The following BTNL9 variants were observed in gnomAD, a reference collection of about 807,000 sequenced individuals.
The protein encoded by BTNL9 is butyrophilin like 9.
BTNL9 carries 45 observed loss-of-function variants against 45.8 expected under a neutral mutation model. The ratio of observed to expected loss-of-function variants is 0.98; its 90% CI spans 0.77 to 1.26. The LOEUF is 1.26. BTNL9 is among the 50% of genes most tolerant of loss of function. The probability of loss-of-function intolerance (pLI) is 0.00; values close to 1 mark genes in which losing one functional copy is unlikely to be tolerated. For missense variants in BTNL9, 784 were observed against 729.7 expected, an observed-to-expected ratio of 1.07 and a Z score of -0.86; for synonymous variants, 346 against 330.8, an observed-to-expected ratio of 1.05 and a Z score of -0.50.
chr5:181,054,141 G>T, intron 6 of BTNL9, 98 bp from the exon 7 acceptor site: 1 of 1,579,624 alleles, frequency 6.3e-7, no homozygotes, highest in South Asian at 1.1e-5. Flanking sequence ...CGCATCGGAG[G>T]TGAGGCCTCA....
chr5:181,048,760 G>GATATAGAT (rs1396536286), intron 3 of BTNL9, among the ~76,000 whole-genome samples: 1 of 68,256 alleles, frequency 1.5e-5, no homozygotes, highest in Non-Finnish European at 3.3e-5. Flanking sequence ...TATAGATATA[G>GATATAGAT]ATATATATAG....
At chr5:181,057,003 T>A (rs75595509) in intron 9 of BTNL9, 4,677 of 174,732 alleles carry the variant, frequency 0.027, 261 homozygotes, top group African/African-American at 0.13. Flanking sequence ...AGGAATATTA[T>A]ATATCTGTGT....
At position 181,053,338 on chromosome 5, in the gene BTNL9, C is replaced by G; in HGVS notation, c.853+22C>G. The G allele has an allele frequency of 6.6e-7, 1 of 1,522,470 alleles. No individual in the cohort carries two copies. Among genetic ancestry groups the G allele is most frequent in the South Asian group, 1.2e-5 (1 of 80,982 alleles). The allele number at this position is 1,522,470 out of a possible 1,614,324, so 94.3% of individuals were successfully genotyped here. A position where few individuals can be genotyped will look rare whatever the true frequency, so the allele number is the denominator to read the frequency against. Reference sequence around the variant, plus strand: ...CGAGGTACCGGCGCGGGCGGCGGGGCGGGGAGGGGCACCGGCCGGTGCTGA... The same window carrying G: ...CGAGGTACCGGCGCGGGCGGCGGGGGGGGGAGGGGCACCGGCCGGTGCTGA... On this transcript the variant is annotated intron_variant, in intron 5 of 10. Transcript: ENST00000327705. The surrounding 1 kb of genome is among the most constrained non-coding windows in gnomAD (Gnocchi z 6.5).
rs1358183990 is a variant in BTNL9 at position 181,045,620 on chromosome 5, T to C, written c.109+22T>C. The C allele has an allele frequency of 9.5e-6, 15 of 1,585,408 alleles. No individual in the cohort carries two copies. The African/African-American group carries it at 1.5e-4, about 16-fold the overall frequency. On this transcript the variant is annotated intron_variant, in intron 2 of 10. Coordinates refer to ENST00000327705, the MANE Select transcript of BTNL9 (RefSeq NM_152547.5). ...TCAGGTATTGTGTCTGCAGCCTAGC[T>C]GGCCAGGATGTGAACGCCACCCCTC...
chr5:181,048,086 A>T lies in BTNL9; in HGVS notation c.269A>T (p.Gln90Leu), dbSNP rs748010483. The change falls in exon 3 of 11, where the codon CAG becomes CTG. Residue 90 changes from glutamine to leucine, a missense_variant. By Grantham distance (113) the Gln-to-Leu change is moderately radical. Coordinates refer to ENST00000327705, the MANE Select transcript of BTNL9 (RefSeq NM_152547.5). Reference sequence around the variant, plus strand: ...GTGGTACACCTGTACCAGGAGCAGCAGGAGCTCCCTGGCAGGCAGATGCCG... The same window carrying T: ...GTGGTACACCTGTACCAGGAGCAGCTGGAGCTCCCTGGCAGGCAGATGCCG... ...FNVVHLYQEQ[Q>L]ELPGRQMPAF... The T allele has an allele frequency of 1.2e-6, 2 of 1,613,700 alleles. No individual in the cohort carries two copies. Among genetic ancestry groups the T allele is most frequent in the Non-Finnish European group, 1.7e-6 (2 of 1,180,018 alleles).
chr5:181,049,628 T>A (rs114234699), intron 3 of BTNL9, among the ~76,000 whole-genome samples: 2,020 of 152,334 alleles, frequency 0.013, 49 homozygotes, highest in African/African-American at 0.046. Flanking sequence ...TTGGCATTTA[T>A]GCCACATTAA....
chr5:181,043,833 G>C (rs572886047), intron 1 of BTNL9, among the ~76,000 whole-genome samples: 52 of 152,364 alleles, frequency 3.4e-4, no homozygotes, highest in African/African-American at 1.2e-3. Context: ...ACCTGTCGCA[G>C]AGAGGCTTCC....
At chr5:181,052,924 G>T (rs1478640856) in intron 4 of BTNL9, 2 of 151,872 alleles carry the variant, frequency 1.3e-5, no homozygotes, top group Non-Finnish European at 2.9e-5. Context: ...GGAAGACGCG[G>T]GGCGAGGGCG....
At chr5:181,049,994 T>C in intron 3 of BTNL9, 94 bp from the exon 4 acceptor site, 1 of 1,459,878 alleles carries the variant, frequency 6.8e-7, no homozygotes, top group East Asian at 2.3e-5. Flanking sequence ...TCATGATGCT[T>C]TATGGTGACT....
In BTNL9 at chr5:181,053,915, A is replaced by C. The variant is rs1371988791; in HGVS notation, c.887-324A>C. 6.6e-7 allele frequency: 1 copy of C among 1,511,434 alleles called. No homozygotes were observed. Among genetic ancestry groups the C allele is most frequent in the Admixed American group, 2.0e-5 (1 of 50,118 alleles). The allele number at this position is 1,511,434 out of a possible 1,614,324, so 93.6% of individuals were successfully genotyped here. A position where few individuals can be genotyped will look rare whatever the true frequency, so the allele number is the denominator to read the frequency against. On this transcript the variant is annotated intron_variant, in intron 6 of 10. Coordinates refer to ENST00000327705, the MANE Select transcript of BTNL9 (RefSeq NM_152547.5). This position sits in a 1 kb window ranked among gnomAD's most constrained non-coding sequence, Gnocchi z 6.5. ...AGCGGCGGTCAGGCACCGAGAAAAC[A>C]GCCCAGTTACGTGAGGCAGTGTCCG...
At position 181,045,562 on chromosome 5, in the gene BTNL9, C is replaced by G. The variant is rs900093347; in HGVS notation, c.73C>G (p.His25Asp). The change falls in exon 2 of 11, where the codon CAC (histidine) becomes GAC (aspartate). Residue 25 changes from histidine to aspartate, a missense_variant. Coordinates refer to ENST00000327705, the MANE Select transcript of BTNL9 (RefSeq NM_152547.5). ...SLTSSLVFLMHLLLLQPGEPS... is the reference protein window; with the variant it reads ...SLTSSLVFLMDLLLLQPGEPS... ...GACCAGCAGTCTTGTCTTCCTCATG[C>G]ACCTCCTCCTCCTTCAGCCTGGGGA... 3.1e-6 allele frequency: 5 copies of G among 1,612,760 alleles called. No homozygotes were observed. The highest frequency in any genetic ancestry group is 4.2e-6 in the Non-Finnish European group (5 of 1,179,380).
chr5:181,045,635 C>A, intron 2 of BTNL9, 37 bp downstream of exon 2: 1 of 1,514,822 alleles, frequency 6.6e-7, no homozygotes, highest in South Asian at 1.1e-5. Flanking sequence ...AGGATGTGAA[C>A]GCCACCCCTC....
At chr5:181,057,227 G>C (rs1422386502) in intron 9 of BTNL9, 1 of 151,812 alleles carries the variant, frequency 6.6e-6, no homozygotes, top group East Asian at 1.9e-4. Flanking sequence ...TCACACTTAG[G>C]TCACAAAGAT....
In BTNL9 at chr5:181,048,241, G is replaced by A; in HGVS notation, c.424G>A (p.Gly142Ser). The A allele has an allele frequency of 1.2e-6, 2 of 1,611,856 alleles. No homozygotes were observed. Among genetic ancestry groups the A allele is most frequent in the Middle Eastern group, 1.7e-4 (1 of 6,058 alleles). Residue 142 changes from glycine to serine, a missense_variant, in exon 3 of 11, where the codon GGC (glycine) becomes AGC (serine). By Grantham distance (56) the Gly-to-Ser change is moderately conservative. Transcript: ENST00000327705. ...GCRFHSDNFS[G>S]EALWELEVAG... ...CCGCTTCCACTCCGACAACTTCTCT[G>A]GCGAAGCTCTCTGGGAACTGGAGGT... is the stretch of plus-strand genomic sequence containing the variant.
rs755943815 is a variant in BTNL9, at chr5:181,048,145, G to A, written c.328G>A (p.Asp110Asn). ...GAACAGGACCAAGTTGGTCAAGGACGACATCGCCTATGGCAGCGTGGTCCT... is the reference window on the plus strand; with the variant it reads ...GAACAGGACCAAGTTGGTCAAGGACAACATCGCCTATGGCAGCGTGGTCCT... ...FRNRTKLVKD[D>N]IAYGSVVLQL... is the part of the protein sequence containing the mutation. Residue 110 changes from aspartate to asparagine, a missense_variant, in exon 3 of 11, where the codon GAC becomes AAC. By Grantham distance (23) the Asp-to-Asn change is conservative. Coordinates refer to ENST00000327705, the MANE Select transcript of BTNL9 (RefSeq NM_152547.5). The A allele has an allele frequency of 9.9e-6, 16 of 1,613,514 alleles. 1 individual carries two copies. Among genetic ancestry groups the A allele is most frequent in the East Asian group, 4.5e-5 (2 of 44,888 alleles).
intron 2 of BTNL9, chr5:181,047,390 C>G (rs750195260): frequency 1.4e-4 from 87 of 618,082 alleles, no homozygotes; most frequent in Non-Finnish European, 1.6e-4. Context: ...TTTTTGATAC[C>G]CTTTGTAGAA....
At position 181,059,644 on chromosome 5, in the gene BTNL9, A is replaced by C; in HGVS notation, c.1390A>C (p.Asn464His). The C allele has an allele frequency of 6.2e-7, 1 of 1,613,580 alleles. No homozygotes were observed. The change falls in exon 11 of 11, where the codon AAC (asparagine) becomes CAC (histidine). Residue 464 changes from asparagine to histidine, a missense_variant. By Grantham distance (68) the Asn-to-His change is moderately conservative. Coordinates refer to ENST00000327705, the MANE Select transcript of BTNL9 (RefSeq NM_152547.5). ...CGAGGCCGGAGAGCTGTCCTTCTTC[A>C]ACGTGTCCGACGGCTCCCACATCTT... ...DYEAGELSFF[N>H]VSDGSHIFTF...
At chr5:181,058,457 T>A (rs953276060) in intron 10 of BTNL9, 79 bp downstream of exon 10, 14 of 1,601,360 alleles carry the variant, frequency 8.7e-6, no homozygotes, top group Non-Finnish European at 1.1e-5. Context: ...GATCTGAGAT[T>A]AGAGGACGGG....
rs575608374 is a variant in BTNL9, at chr5:181,049,375, T to C, written c.455-713T>C. Among the ~76,000 whole-genome samples the C allele has an allele frequency of 5.4e-4, 83 of 152,370 alleles. No homozygotes were observed. In the Middle Eastern group the frequency reaches 0.02, roughly 37 times the overall value. ...CCACCCAATGGAGTAATCTGTATTA[T>C]GCATCTGAAACAATGATGAGGTGGT... On this transcript the variant is annotated intron_variant, in intron 3 of 10. Coordinates refer to ENST00000327705, the MANE Select transcript of BTNL9 (RefSeq NM_152547.5).
Sources: gnomAD v4.1 joint callset for allele counts (sites outside exome capture counted in the v4.1 genomes callset) on GRCh38, gnomAD v4.1.1 for gene constraint, Gnocchi (gnomAD v3.1) non-coding constraint, MANE v1.5 for transcripts, NCBI Gene and HGNC (gene_info 2026-07-23, HGNC 2026-07-21) for gene names.